The following FHIT variants were observed in gnomAD, a reference collection of about 807,000 sequenced individuals.
The protein encoded by FHIT is bis(5'-adenosyl)-triphosphatase.
A neutral mutation model predicts 17.9 loss-of-function variants in FHIT; 19 were observed. The ratio of observed to expected loss-of-function variants is 1.06; its 90% CI spans 0.74 to 1.56. The LOEUF (loss-of-function observed/expected upper bound fraction) is 1.56, where lower values mean the gene tolerates loss of function less well. Among genes scored for constraint, FHIT ranks in the 40% most tolerant of loss-of-function variants. FHIT has a pLI of 0.00. For synonymous variants in FHIT, 81 were observed against 69.7 expected (o/e 1.16, Z -0.81); for missense variants, 248 against 189.2 (o/e 1.31, Z -1.82).
intron 4 of FHIT, among the ~76,000 whole-genome samples, chr3:60,543,728 T>C (rs1159221208): frequency 6.6e-6 from 1 of 151,938 alleles, no homozygotes; most frequent in Non-Finnish European, 1.5e-5. Flanking sequence ...TGGTTTCTGC[T>C]GATTCTCTTT....
chr3:60,390,626 C>T (rs1040818623), intron 5 of FHIT, among the ~76,000 whole-genome samples: 4 of 151,882 alleles, frequency 2.6e-5, no homozygotes, highest in African/African-American at 9.7e-5. Flanking sequence ...TCCAGTGGGA[C>T]AAGATGTGGA....
In FHIT at chr3:61,081,894, C is replaced by T. The variant is rs1408247223; in HGVS notation, c.-163-39795G>A. Among the ~76,000 whole-genome samples the T allele has an allele frequency of 3.9e-5, 6 of 152,250 alleles. 1 individual carries two copies. Among genetic ancestry groups the T allele is most frequent in the South Asian group, 4.1e-4 (2 of 4,824 alleles). ...CCTATTCTGTGCAGGGCACACAATT[C>T]GACCTACTAACACTCCCATATTAAA... On this transcript the variant is annotated intron_variant, in intron 2 of 9. Transcript: ENST00000492590.
intron 5 of FHIT, among the ~76,000 whole-genome samples, chr3:60,327,843 A>T (rs1374971999): frequency 6.6e-6 from 1 of 152,134 alleles, no homozygotes; most frequent in African/African-American, 2.4e-5. Flanking sequence ...AAGAGACTCT[A>T]ATAAAAGGCT....
intron 4 of FHIT, among the ~76,000 whole-genome samples, chr3:60,622,676 T>C (rs2039167547): frequency 6.6e-6 from 1 of 152,240 alleles, no homozygotes; most frequent in African/African-American, 2.4e-5. Context: ...AGGCCTCTGG[T>C]GTTCTCAGTT....
chr3:61,147,435 T>C (rs1415109608), intron 2 of FHIT, among the ~76,000 whole-genome samples: 1 of 152,046 alleles, frequency 6.6e-6, no homozygotes, highest in Non-Finnish European at 1.5e-5. Context: ...TTTTCTGTCA[T>C]GTTGGCTCAC....
chr3:60,044,166 A>G (rs543662667), intron 5 of FHIT, among the ~76,000 whole-genome samples: 2 of 152,208 alleles, frequency 1.3e-5, no homozygotes, highest in Non-Finnish European at 2.9e-5. Flanking sequence ...AGCCAAGTAA[A>G]ACCCTAAAAT....
intron 1 of FHIT, among the ~76,000 whole-genome samples, chr3:61,241,132 C>T (rs1034606519): frequency 1.6e-4 from 24 of 152,126 alleles, no homozygotes; most frequent in African/African-American, 5.8e-4. Context: ...GTTGTTCTAC[C>T]TCTCCCACAC....
At chr3:60,636,366 G>A (rs567548860) in intron 4 of FHIT, among the ~76,000 whole-genome samples, 6 of 152,256 alleles carry the variant, frequency 3.9e-5, no homozygotes, top group African/African-American at 1.4e-4. Flanking sequence ...ATCACGCCTG[G>A]CCAGAATGAA....
intron 4 of FHIT, among the ~76,000 whole-genome samples, chr3:60,788,767 T>A (rs936198244): frequency 1.3e-5 from 2 of 152,144 alleles, no homozygotes; most frequent in African/African-American, 4.8e-5. Flanking sequence ...CACATTTGCA[T>A]AAGATTCTGG....
intron 4 of FHIT, among the ~76,000 whole-genome samples, chr3:60,571,314 C>G (rs1266283629): frequency 1.8e-5 from 2 of 109,140 alleles, no homozygotes; most frequent in Non-Finnish European, 3.4e-5. Flanking sequence ...CCAGCCTGGG[C>G]AACAGGGCAA....
intron 5 of FHIT, among the ~76,000 whole-genome samples, chr3:60,359,680 G>A (rs1419851408): frequency 6.6e-6 from 1 of 152,158 alleles, no homozygotes; most frequent in Non-Finnish European, 1.5e-5. Context: ...AGGAGCAAAA[G>A]GTTCTGGTAT....
intron 4 of FHIT, among the ~76,000 whole-genome samples, chr3:60,726,855 G>T (rs188228837): frequency 3.5e-4 from 53 of 152,238 alleles, no homozygotes; most frequent in African/African-American, 1.2e-3. Context: ...GTCTATGTTT[G>T]TCCTCCTAAT....
chr3:59,918,643 G>A (rs1244521297), intron 8 of FHIT, among the ~76,000 whole-genome samples: 1 of 152,160 alleles, frequency 6.6e-6, no homozygotes, highest in Non-Finnish European at 1.5e-5. Flanking sequence ...TTGAGTAGCA[G>A]AGAGAAGAGG....
At chr3:60,426,855 C>T (rs957192756) in intron 5 of FHIT, among the ~76,000 whole-genome samples, 1 of 152,236 alleles carries the variant, frequency 6.6e-6, no homozygotes, top group South Asian at 2.1e-4. Flanking sequence ...GGTCAGCAGA[C>T]TTCTGAGATG....
chr3:60,548,640 G>C (rs981071714), intron 4 of FHIT, among the ~76,000 whole-genome samples: 2 of 152,106 alleles, frequency 1.3e-5, no homozygotes, highest in African/African-American at 4.8e-5. Flanking sequence ...GGTCCTCTAA[G>C]TAGCAACAAC....
intron 5 of FHIT, among the ~76,000 whole-genome samples, chr3:60,091,542 G>A (rs1296957751): frequency 6.6e-6 from 1 of 152,038 alleles, no homozygotes; most frequent in Non-Finnish European, 1.5e-5. Context: ...CATGTTTGGT[G>A]GGTTTACTGT....
At chr3:60,727,733 G>A (rs1018867125) in intron 4 of FHIT, among the ~76,000 whole-genome samples, 11 of 152,234 alleles carry the variant, frequency 7.2e-5, no homozygotes, top group Non-Finnish European at 2.9e-5. Context: ...GCTGGGCACT[G>A]TGGCTCACGC....
chr3:59,759,001 G>A (rs1701364758), intron 8 of FHIT, among the ~76,000 whole-genome samples: 1 of 152,122 alleles, frequency 6.6e-6, no homozygotes, highest in African/African-American at 2.4e-5. Context: ...TCAAAAAATG[G>A]TATGGGGGAT....
rs1158607882 is a variant in FHIT at position 60,748,966 on chromosome 3, A to G, written c.-18+72953T>C. Among the ~76,000 whole-genome samples, 3 of 152,228 alleles carry G rather than the reference A, an allele frequency of 2.0e-5. No homozygotes were observed. In the East Asian group the frequency reaches 5.8e-4, roughly 29 times the overall value. ...AGATGCAATTTTCTTTTTTTCAAATAGTTTTGATCCACTGTTAATTGAACC... is the reference window on the plus strand; with the variant it reads ...AGATGCAATTTTCTTTTTTTCAAATGGTTTTGATCCACTGTTAATTGAACC... On this transcript the variant is annotated intron_variant, in intron 4 of 9. Coordinates refer to ENST00000492590, the MANE Select transcript of FHIT (RefSeq NM_002012.4).
Sources: allele counts gnomAD v4.1 joint callset (sites outside exome capture counted in the v4.1 genomes callset), GRCh38; gene constraint gnomAD v4.1.1; transcripts MANE v1.5; gene names NCBI Gene and HGNC (gene_info 2026-07-23, HGNC 2026-07-21).